PCDH15: variants seen among roughly 807,000 people sequenced by gnomAD.
PCDH15 encodes protocadherin-15.
In PCDH15, 129 loss-of-function variants were observed where a neutral mutation model predicts 178.5. That is an observed-to-expected ratio of 0.72 (90% CI 0.63 to 0.84). PCDH15 has a LOEUF of 0.84. Ranked by LOEUF, PCDH15 falls within the 40% of genes least tolerant of loss-of-function variation. The pLI is 0.00. For synonymous variants in PCDH15, 800 were observed against 732.0 expected (o/e 1.09, Z -1.50); for missense variants, 2,230 against 2,099.9 (o/e 1.06, Z -1.21).
At chr10:54,541,705 A>G (rs1445721625) in intron 2 of PCDH15, among the ~76,000 whole-genome samples, 1 of 152,202 alleles carries the variant, frequency 6.6e-6, no homozygotes, top group Non-Finnish European at 1.5e-5. Flanking sequence ...AAAATTATTC[A>G]TCAAACACTT....
At chr10:54,428,750 T>A (rs1179941980) in intron 3 of PCDH15, among the ~76,000 whole-genome samples, 1 of 152,172 alleles carries the variant, frequency 6.6e-6, no homozygotes, top group East Asian at 1.9e-4. Context: ...GGCAGCAGAT[T>A]TTCAGTGGAA....
chr10:54,209,607 C>T (rs1490247033), intron 10 of PCDH15, among the ~76,000 whole-genome samples: 3 of 152,056 alleles, frequency 2.0e-5, no homozygotes, highest in African/African-American at 7.2e-5. Flanking sequence ...ATATAGTTTG[C>T]TATATTTTTA....
At chr10:54,742,648 G>C (rs1944958216) in intron 1 of PCDH15, among the ~76,000 whole-genome samples, 3 of 151,994 alleles carry the variant, frequency 2.0e-5, no homozygotes, top group Admixed American at 1.3e-4. Context: ...GGATTGTGGA[G>C]ACTGACTTTA....
At chr10:55,080,357 C>T (rs139018498) in intron 2 of PCDH15, among the ~76,000 whole-genome samples, 2 of 152,128 alleles carry the variant, frequency 1.3e-5, no homozygotes, top group African/African-American at 2.4e-5. Flanking sequence ...GTAGGTTCCA[C>T]ACCCCTTATG....
chr10:54,329,831 T>C (rs1000798330), intron 6 of PCDH15, 125 bp from the exon 7 acceptor site: 3 of 734,544 alleles, frequency 4.1e-6, no homozygotes, highest in Non-Finnish European at 7.4e-6. Flanking sequence ...ATAGAATGAC[T>C]ATAAGCTTCA....
chr10:55,612,026 G>A (rs1843377412), intron 2 of PCDH15, among the ~76,000 whole-genome samples: 2 of 152,128 alleles, frequency 1.3e-5, no homozygotes, highest in African/African-American at 4.8e-5. Flanking sequence ...GAGGAGGCGG[G>A]ATAGACAGAA....
At chr10:55,605,166 G>T (rs1374235846) in intron 2 of PCDH15, among the ~76,000 whole-genome samples, 1 of 151,262 alleles carries the variant, frequency 6.6e-6, no homozygotes, top group Non-Finnish European at 1.5e-5. Context: ...TAAATTCCTC[G>T]ACACATACAC....
chr10:54,008,498 A>G (rs564118880), intron 20 of PCDH15, among the ~76,000 whole-genome samples: 1 of 152,308 alleles, frequency 6.6e-6, no homozygotes, highest in Non-Finnish European at 1.5e-5. Flanking sequence ...TTGCTTTTTG[A>G]GGTGATAATT....
Position 54,924,527 on chromosome 10 carries a change from T to C in PCDH15, c.-79-27027A>G, listed in dbSNP as rs745925141. ...TCTTTGAGGAATAACCATATTTTTT[T>C]CCACAATGAATGAAAAAATTTACAC... On this transcript the variant is annotated intron_variant, in intron 2 of 5. Transcript: ENST00000458638. 6.6e-5 allele frequency among the ~76,000 whole-genome samples: 6 copies of C among 90,452 alleles called. 1 individual carries two copies. Among genetic ancestry groups the C allele is most frequent in the Non-Finnish European group, 1.9e-4 (6 of 31,974 alleles). The allele number at this position is 90,452 out of a possible 152,430, so 59.3% of individuals were successfully genotyped here.
At chr10:54,171,537 A>G (rs2046909291) in intron 13 of PCDH15, among the ~76,000 whole-genome samples, 1 of 151,720 alleles carries the variant, frequency 6.6e-6, no homozygotes, top group Non-Finnish European at 1.5e-5. Context: ...ACCGTTCTCA[A>G]CTACTCGTAC....
chr10:55,580,877 T>A (rs559268063), intron 2 of PCDH15, among the ~76,000 whole-genome samples: 2 of 152,314 alleles, frequency 1.3e-5, no homozygotes, highest in South Asian at 4.1e-4. Flanking sequence ...GTATAGGCCA[T>A]ACATTGTTGA....
In PCDH15 at chr10:54,472,188, T is replaced by C. The variant is rs535848678; in HGVS notation, c.157+55624A>G. ...ATTTTCAGGCAGATTCTACATATTG[T>C]TCTGCTGCAAAAAATGTTGTTTTAA... On this transcript the variant is annotated intron_variant, in intron 3 of 37. Coordinates refer to ENST00000644397, the MANE Select transcript of PCDH15 (RefSeq NM_001384140.1). 2.8e-4 allele frequency among the ~76,000 whole-genome samples: 42 copies of C among 152,206 alleles called. No homozygotes were observed. The South Asian group carries it at 7.3e-3, about 26-fold the overall frequency.
chr10:55,338,760 G>C (rs548543143), intron 2 of PCDH15, among the ~76,000 whole-genome samples: 5 of 152,138 alleles, frequency 3.3e-5, no homozygotes, highest in African/African-American at 1.2e-4. Context: ...AGGTGACAGA[G>C]ACTGAGACTC....
At chr10:55,325,096 T>G (rs1474562909) in intron 2 of PCDH15, among the ~76,000 whole-genome samples, 1 of 151,954 alleles carries the variant, frequency 6.6e-6, no homozygotes, top group Non-Finnish European at 1.5e-5. Flanking sequence ...AGAAAAACAT[T>G]CCCTATTCAT....
chr10:54,730,566 A>T (rs966112282), intron 1 of PCDH15, among the ~76,000 whole-genome samples: 2 of 151,498 alleles, frequency 1.3e-5, no homozygotes, highest in Non-Finnish European at 3.0e-5. Flanking sequence ...AGAACAAATC[A>T]TAAGAAAGTA....
intron 1 of PCDH15, among the ~76,000 whole-genome samples, chr10:55,318,061 G>C (rs75612578): frequency 6.6e-4 from 100 of 152,262 alleles, no homozygotes; most frequent in African/African-American, 2.4e-3. Context: ...TCCAAGTTTA[G>C]AGCGTAAAAC....
At chr10:55,104,237 AC>A (rs1842630010) in intron 2 of PCDH15, among the ~76,000 whole-genome samples, 1 of 151,856 alleles carries the variant, frequency 6.6e-6, no homozygotes, top group African/African-American at 2.4e-5. Flanking sequence ...TGCATTAAAA[AC>A]CCATTCATAC....
chr10:54,051,874 T>C (rs2093782917), intron 18 of PCDH15, among the ~76,000 whole-genome samples: 1 of 152,064 alleles, frequency 6.6e-6, no homozygotes, highest in Non-Finnish European at 1.5e-5. Flanking sequence ...CCTCAGTACA[T>C]AGTTCCCCAT....
chr10:54,086,472 T>C (rs1477319084), intron 16 of PCDH15, among the ~76,000 whole-genome samples: 1 of 152,150 alleles, frequency 6.6e-6, no homozygotes, highest in Non-Finnish European at 1.5e-5. Flanking sequence ...AGTACCTGGA[T>C]TGTTCATATC....
Sources: allele counts gnomAD v4.1 joint callset (sites outside exome capture counted in the v4.1 genomes callset), GRCh38; gene constraint gnomAD v4.1.1; transcripts MANE v1.5; gene names NCBI Gene and HGNC (gene_info 2026-07-23, HGNC 2026-07-21).